Variants in BACE2 observed in about 807,000 individuals in gnomAD.
The protein encoded by BACE2 is 56 kDa aspartic-like protease.
BACE2 carries 17 observed loss-of-function variants against 46.2 expected under a neutral mutation model. That is an observed-to-expected ratio of 0.37 (90% CI 0.25 to 0.55). The LOEUF is 0.55. BACE2 is among the 20% of genes least tolerant of loss of function. BACE2 has a pLI of 0.82. For missense variants in BACE2, 595 were observed against 698.1 expected (o/e 0.85, Z 1.66); for synonymous variants, 277 against 295.9 (o/e 0.94, Z 0.66).
At chr21:41,252,280 C>A (rs1473561817) in intron 7 of BACE2, among the ~76,000 whole-genome samples, 1 of 152,156 alleles carries the variant, frequency 6.6e-6, no homozygotes, top group African/African-American at 2.4e-5. Flanking sequence ...GGCCACTGAC[C>A]CTCAAGGCCT....
chr21:41,238,771 G>A (rs1355017832), intron 3 of BACE2, among the ~76,000 whole-genome samples: 9 of 138,320 alleles, frequency 6.5e-5, no homozygotes, highest in Admixed American at 6.2e-4. Flanking sequence ...CATGGACACA[G>A]GAAGGGGAAT....
At chr21:41,248,135 T>G (rs1194499461) in intron 6 of BACE2, among the ~76,000 whole-genome samples, 1 of 151,978 alleles carries the variant, frequency 6.6e-6, no homozygotes, top group Non-Finnish European at 1.5e-5. Context: ...CACCGAGACC[T>G]GGGCTCGTTC....
At chr21:41,172,474 T>C (rs1984640023) in intron 1 of BACE2, among the ~76,000 whole-genome samples, 1 of 152,206 alleles carries the variant, frequency 6.6e-6, no homozygotes, top group East Asian at 1.9e-4. Flanking sequence ...TCAGACAGGG[T>C]AACCGAGGCT....
Position 41,173,462 on chromosome 21 carries a change from CG to C in BACE2, c.312+4891del, listed in dbSNP as rs1188381253. ...CTGCTTGAAAATTTAAAATGTCAGGCGGGGCGCGGTGGCTCATGCCTGTAAT... is the reference window on the plus strand; with the variant it reads ...CTGCTTGAAAATTTAAAATGTCAGGCGGGCGCGGTGGCTCATGCCTGTAAT... On this transcript the variant is annotated intron_variant, in intron 1 of 8. Transcript: ENST00000330333. 2.0e-5 allele frequency among the ~76,000 whole-genome samples: 3 copies of C among 152,072 alleles called. No homozygotes were observed. The East Asian group carries it at 5.8e-4, about 29-fold the overall frequency.
chr21:41,186,911 A>G (rs1568860419), intron 1 of BACE2: 2 of 152,492 alleles, frequency 1.3e-5, no homozygotes, highest in South Asian at 4.1e-4. Context: ...GGTCATTGCC[A>G]TGGAAAGGGG....
At chr21:41,269,732 T>C (rs1197686210) in intron 8 of BACE2, among the ~76,000 whole-genome samples, 7 of 152,250 alleles carry the variant, frequency 4.6e-5, no homozygotes. Flanking sequence ...CATACACCTG[T>C]TGATGAACTT....
intron 1 of BACE2, chr21:41,186,448 A>T (rs1451427804): frequency 1.3e-5 from 2 of 152,312 alleles, no homozygotes; most frequent in East Asian, 3.9e-4. Flanking sequence ...CAGATCTTAC[A>T]TCCTCAATCA....
chr21:41,214,184 T>C (rs913100374), intron 1 of BACE2, among the ~76,000 whole-genome samples: 2 of 152,136 alleles, frequency 1.3e-5, no homozygotes, highest in African/African-American at 4.8e-5. Flanking sequence ...ACCCACCTCT[T>C]CCAGGTGCCA....
In BACE2 at chr21:41,241,950, G is replaced by A. The variant is rs1217916677; in HGVS notation, c.747+3G>A. ...CTGGGACCAACGGAGGTAGTCTTGTGGGTATCTTTTAGTCTTAAAGGGGCG... is the reference window on the plus strand; with the variant it reads ...CTGGGACCAACGGAGGTAGTCTTGTAGGTATCTTTTAGTCTTAAAGGGGCG... On this transcript the variant is annotated splice_donor_region_variant and intron_variant, in intron 4 of 8. Transcript: ENST00000330333. 1 of 1,614,018 alleles carries A rather than the reference G, an allele frequency of 6.2e-7. No individual in the cohort carries two copies. Among genetic ancestry groups the A allele is most frequent in the Non-Finnish European group, 8.5e-7 (1 of 1,179,984 alleles).
intron 1 of BACE2, chr21:41,179,183 G>A (rs1984980387): frequency 7.9e-7 from 1 of 1,260,880 alleles, no homozygotes; most frequent in African/African-American, 1.6e-5. Context: ...GTGTCAGGGT[G>A]AGGAGTGAGG....
intron 1 of BACE2, chr21:41,178,955 G>A: frequency 1.8e-6 from 1 of 551,092 alleles, no homozygotes. Context: ...GGCGGTTATG[G>A]AAGACCTCTC....
chr21:41,186,940 G>A (rs2123506937), intron 1 of BACE2, among the ~76,000 whole-genome samples: 1 of 152,366 alleles, frequency 6.6e-6, no homozygotes, highest in East Asian at 1.9e-4. Flanking sequence ...TCTGGGTGTT[G>A]CCATGGAAAC....
chr21:41,273,737 A>C (rs2088456624), intron 8 of BACE2, among the ~76,000 whole-genome samples: 1 of 152,246 alleles, frequency 6.6e-6, no homozygotes. Context: ...TAAAGACAGC[A>C]TAGGAAATCA....
chr21:41,244,927 G>A (rs1343791979), intron 5 of BACE2, among the ~76,000 whole-genome samples: 1 of 151,960 alleles, frequency 6.6e-6, no homozygotes, highest in African/African-American at 2.4e-5. Flanking sequence ...GGAAAAGCCT[G>A]TATTTGGAGG....
intron 1 of BACE2, among the ~76,000 whole-genome samples, chr21:41,197,557 T>A (rs891716064): frequency 6.6e-6 from 1 of 152,028 alleles, no homozygotes; most frequent in Non-Finnish European, 1.5e-5. Flanking sequence ...ACTACCAAAA[T>A]GGAGTAAGTT....
intron 8 of BACE2, among the ~76,000 whole-genome samples, chr21:41,265,060 A>G (rs924162629): frequency 1.3e-5 from 2 of 151,968 alleles, no homozygotes; most frequent in African/African-American, 4.8e-5. Context: ...GATTTTCTTT[A>G]TCTTCTTTTT....
chr21:41,200,462 C>T (rs894987888), intron 1 of BACE2, among the ~76,000 whole-genome samples: 7 of 152,086 alleles, frequency 4.6e-5, no homozygotes, highest in African/African-American at 7.2e-5. Flanking sequence ...CTATGGATGT[C>T]GGATTAGGTG....
chr21:41,243,381 G>C lies in BACE2; in HGVS notation c.753G>C (p.Leu251Phe). 6.3e-7 allele frequency: 1 copy of C among 1,598,604 alleles called. No homozygotes were observed. The highest frequency in any genetic ancestry group is 8.5e-7 in the Non-Finnish European group (1 of 1,173,026). ...GSGTNGGSLV[L>F]GGIEPSLYKG... ...GTAAATATTTCCTGTCCCAGGTCTT[G>C]GGTGGAATTGAACCAAGTTTGTATA... The change falls in exon 5 of 9, where the codon TTG (leucine) becomes TTC (phenylalanine). Residue 251 changes from leucine (L) to phenylalanine (F), a missense_variant. Leu to Phe is a conservative substitution (Grantham distance 22). Coordinates refer to ENST00000330333, the MANE Select transcript of BACE2 (RefSeq NM_012105.5).
chr21:41,178,348 A>G (rs1169122255), intron 1 of BACE2: 1 of 152,248 alleles, frequency 6.6e-6, no homozygotes, highest in Non-Finnish European at 1.5e-5. Flanking sequence ...GTGTGAGAAG[A>G]GTTAAAAATC....
Sources: gnomAD v4.1 joint callset for allele counts (sites outside exome capture counted in the v4.1 genomes callset) on GRCh38, gnomAD v4.1.1 for gene constraint, MANE v1.5 for transcripts, NCBI Gene and HGNC (gene_info 2026-07-23, HGNC 2026-07-21) for gene names.